PRKG1: variants seen among roughly 807,000 people sequenced by gnomAD.
PRKG1 encodes protein kinase cGMP-dependent 1.
PRKG1 carries 35 observed loss-of-function variants against 88.1 expected under a neutral mutation model. The ratio of observed to expected loss-of-function variants is 0.40; its 90% CI spans 0.30 to 0.53. The LOEUF (loss-of-function observed/expected upper bound fraction) is 0.53, where lower values mean the gene tolerates loss of function less well. Among genes scored for constraint, PRKG1 ranks in the 20% least tolerant of loss-of-function variants. The pLI, the probability that PRKG1 is intolerant of heterozygous loss-of-function variation, is 0.59. For missense variants in PRKG1, 540 were observed against 839.8 expected, an observed-to-expected ratio of 0.64 and a Z score of 4.41; for synonymous variants, 303 against 292.5, an observed-to-expected ratio of 1.04 and a Z score of -0.37.
intron 1 of PRKG1, among the ~76,000 whole-genome samples, chr10:51,046,678 A>C (rs1843493159): frequency 6.6e-6 from 1 of 152,192 alleles, no homozygotes; most frequent in South Asian, 2.1e-4. Flanking sequence ...GAAATGAAAA[A>C]GTTTTCTGTA....
intron 2 of PRKG1, among the ~76,000 whole-genome samples, chr10:51,447,429 C>T (rs547374940): frequency 6.6e-6 from 1 of 152,156 alleles, no homozygotes; most frequent in South Asian, 2.1e-4. Context: ...GAGTTTAGCT[C>T]TGACCAGTCT....
At chr10:51,077,070 A>G (rs118066837) in intron 1 of PRKG1, among the ~76,000 whole-genome samples, 1 of 152,316 alleles carries the variant, frequency 6.6e-6, no homozygotes, top group East Asian at 1.9e-4. Context: ...GAGTAGTAGA[A>G]AGTGTACCTT....
intron 10 of PRKG1, among the ~76,000 whole-genome samples, chr10:52,262,232 C>T (rs896048221): frequency 1.3e-5 from 2 of 151,898 alleles, no homozygotes; most frequent in Non-Finnish European, 2.9e-5. Flanking sequence ...TTTTAACTTA[C>T]AATATCTGTT....
chr10:51,406,247 A>G (rs535143803), intron 2 of PRKG1, among the ~76,000 whole-genome samples: 1 of 152,340 alleles, frequency 6.6e-6, no homozygotes, highest in East Asian at 1.9e-4. Context: ...TGCTCATTCA[A>G]GAGCTTATAC....
chr10:52,226,706 A>G (rs1349591696), intron 9 of PRKG1, among the ~76,000 whole-genome samples: 2 of 152,094 alleles, frequency 1.3e-5, no homozygotes, highest in East Asian at 3.9e-4. Context: ...TTCATTTCCC[A>G]GAGACTCCAG....
intron 3 of PRKG1, among the ~76,000 whole-genome samples, chr10:51,596,797 T>C (rs1427862012): frequency 1.3e-5 from 2 of 152,202 alleles, no homozygotes; most frequent in African/African-American, 4.8e-5. Flanking sequence ...ACCAGTTATT[T>C]TTTTAAATTG....
In PRKG1 at chr10:51,699,174, C is replaced by G. The variant is rs1841395183; in HGVS notation, c.593-105411C>G. On this transcript the variant is annotated intron_variant, in intron 3 of 17. Coordinates refer to ENST00000373980, the MANE Select transcript of PRKG1 (RefSeq NM_006258.4). ...CTGGCTACTGCTCTGGTAATCGATT[C>G]AGGGGCATCTTCTGGATCGATGGGA... 2.5e-6 allele frequency: 4 copies of G among 1,614,168 alleles called. No individual in the cohort carries two copies. The East Asian group carries it at 8.9e-5, about 36-fold the overall frequency.
intron 5 of PRKG1, among the ~76,000 whole-genome samples, chr10:51,984,086 G>A (rs562216851): frequency 6.6e-5 from 10 of 152,320 alleles, no homozygotes; most frequent in South Asian, 2.1e-4. Context: ...CACCTTGTGC[G>A]GTGTGAGAGG....
chr10:51,774,113 C>T (rs1428010655), intron 3 of PRKG1, among the ~76,000 whole-genome samples: 1 of 152,012 alleles, frequency 6.6e-6, no homozygotes, highest in Admixed American at 6.6e-5. Context: ...TACTTTCTGG[C>T]CCTGTGATTT....
At chr10:51,816,557 G>GTGTA (rs1839592675) in intron 4 of PRKG1, among the ~76,000 whole-genome samples, 1 of 151,560 alleles carries the variant, frequency 6.6e-6, no homozygotes, top group Admixed American at 6.6e-5. Context: ...GTGTGTGTGT[G>GTGTA]TGTGTGTGTG....
At chr10:51,213,983 C>G (rs1020303565) in intron 2 of PRKG1, among the ~76,000 whole-genome samples, 4 of 151,964 alleles carry the variant, frequency 2.6e-5, no homozygotes, top group African/African-American at 2.4e-5. Context: ...ATCATTCTTA[C>G]TTAAACAAAA....
chr10:52,030,859 G>A (rs940054931), intron 5 of PRKG1, among the ~76,000 whole-genome samples: 2 of 152,056 alleles, frequency 1.3e-5, no homozygotes, highest in Admixed American at 1.3e-4. Context: ...AAAAGGAAGA[G>A]GAATTCTATG....
chr10:51,747,665 G>A (rs1171296591), intron 3 of PRKG1, among the ~76,000 whole-genome samples: 3 of 152,060 alleles, frequency 2.0e-5, no homozygotes, highest in Non-Finnish European at 4.4e-5. Context: ...TTGTTTTGAG[G>A]TTAGCTGATT....
chr10:51,322,463 C>T (rs565107071), intron 2 of PRKG1, among the ~76,000 whole-genome samples: 1 of 152,282 alleles, frequency 6.6e-6, no homozygotes, highest in South Asian at 2.1e-4. Flanking sequence ...CAAGGACTTG[C>T]TTCCCTGGGC....
intron 1 of PRKG1, among the ~76,000 whole-genome samples, chr10:51,085,585 A>T (rs2131856281): frequency 6.6e-6 from 1 of 152,138 alleles, no homozygotes; most frequent in East Asian, 1.9e-4. Context: ...ACGCCCAAAG[A>T]CACTTAGAAA....
intron 9 of PRKG1, 58 bp from the exon 10 acceptor site, chr10:52,251,512 G>A (rs545132412): frequency 2.1e-5 from 26 of 1,252,400 alleles, no homozygotes; most frequent in Admixed American, 5.1e-5. Flanking sequence ...ACAGATGTAC[G>A]TGGTACTCGT....
At chr10:51,819,006 C>CAAAAAAAAAAAA (rs869048560) in intron 4 of PRKG1, among the ~76,000 whole-genome samples, 14 of 18,344 alleles carry the variant, frequency 7.6e-4, no homozygotes, top group South Asian at 2.4e-3. Context: ...GACTCCGTCT[C>CAAAAAAAAAAAA]AAAAAAAAAA....
intron 3 of PRKG1, among the ~76,000 whole-genome samples, chr10:51,501,809 T>TG (rs1462664293): frequency 7.7e-6 from 1 of 129,554 alleles, no homozygotes; most frequent in African/African-American, 2.8e-5. Flanking sequence ...TTTTTTTTTT[T>TG]GTCAGTTTTG....
chr10:50,991,794 T>A lies in PRKG1; in HGVS notation c.266+150T>A. The A allele has an allele frequency of 2.0e-6, 1 of 495,568 alleles. No individual in the cohort carries two copies. Among genetic ancestry groups the A allele is most frequent in the Non-Finnish European group, 2.6e-6 (1 of 378,734 alleles). 30.7% of individuals were successfully genotyped at this position (495,568 alleles called of 1,614,324 possible). A position where few individuals can be genotyped will look rare whatever the true frequency, so the allele number is the denominator to read the frequency against. On this transcript the variant is annotated intron_variant, in intron 1 of 17. Coordinates refer to the PRKG1 transcript ENST00000401604. The surrounding 1 kb of genome is among the most constrained non-coding windows in gnomAD (Gnocchi z 4.5). ...TGGGGGTGGCCCCGCGGCCCGGGAA[T>A]GGGAAGTGTTTATTTTTATTTCTGC...
Sources: gnomAD v4.1 joint callset for allele counts (sites outside exome capture counted in the v4.1 genomes callset) on GRCh38, gnomAD v4.1.1 for gene constraint, Gnocchi (gnomAD v3.1) non-coding constraint, MANE v1.5 for transcripts, NCBI Gene and HGNC (gene_info 2026-07-23, HGNC 2026-07-21) for gene names.